Variants in USP39 observed in about 807,000 individuals in gnomAD.
USP39 encodes the protein ubiquitin specific peptidase 39.
USP39 carries 38 observed loss-of-function variants against 66.4 expected under a neutral mutation model. The ratio of observed to expected loss-of-function variants is 0.57; its 90% confidence interval spans 0.44 to 0.75. The LOEUF (loss-of-function observed/expected upper bound fraction) is 0.75, where lower values mean the gene tolerates loss of function less well. USP39 is among the 30% of genes least tolerant of loss of function. The pLI is 0.00. For missense variants in USP39, 608 were observed against 714.4 expected, an observed-to-expected ratio of 0.85 and a Z score of 1.70; for synonymous variants, 303 against 274.6, an observed-to-expected ratio of 1.10 and a Z score of -1.02.
intron 9 of USP39, chr2:85,639,658 G>C: frequency 3.7e-6 from 1 of 273,572 alleles, no homozygotes; most frequent in South Asian, 5.8e-5. Context: ...ATGTTGGCCA[G>C]GTTGGTCTCG....
At chr2:85,615,961 T>C (rs899617544), upstream of USP39, 19 of 784,798 alleles carry the variant, frequency 2.4e-5, no homozygotes, top group Non-Finnish European at 2.9e-5. Context: ...CTGTCGCCAG[T>C]AAAGGTTCCC....
intron 6 of USP39, 141 bp downstream of exon 6, chr2:85,631,087 T>A (rs1229854734): frequency 1.3e-6 from 1 of 755,836 alleles, no homozygotes; most frequent in East Asian, 2.7e-5. Context: ...TGGTCTCAGC[T>A]CACTGCAACC....
At position 85,616,205 on chromosome 2, in the gene USP39, C is replaced by G. The variant is rs1187708357; in HGVS notation, c.10C>G (p.Arg4Gly). The part of the protein sequence containing the change: MSG[R>G]SKRESRGSTR... ...TCGGCCGGTAGTGGAGATGTCCGGC[C>G]GGTCTAAGCGGGAGTCTCGCGGTTC... The change falls in exon 1 of 13, where the codon CGG (arginine) becomes GGG (glycine). Residue 4 changes from arginine (R) to glycine (G), a missense_variant. Arg to Gly is a moderately radical substitution (Grantham distance 125). Coordinates refer to ENST00000323701, the MANE Select transcript of USP39 (RefSeq NM_006590.4). 3.4e-6 allele frequency: 5 copies of G among 1,453,748 alleles called. No homozygotes were observed. Among genetic ancestry groups the G allele is most frequent in the Admixed American group, 2.6e-5 (1 of 38,104 alleles). The allele number at this position is 1,453,748 out of a possible 1,614,324, so 90.1% of individuals were successfully genotyped here.
upstream of USP39, among the ~76,000 whole-genome samples, chr2:85,614,535 G>C (rs1673784841): frequency 6.6e-6 from 1 of 152,058 alleles, no homozygotes; most frequent in Non-Finnish European, 1.5e-5. Flanking sequence ...ATGTAAAGTA[G>C]TGAAAGTACA....
chr2:85,633,716 A>G (rs1558865002), intron 6 of USP39, among the ~76,000 whole-genome samples: 1 of 151,688 alleles, frequency 6.6e-6, no homozygotes. Flanking sequence ...TCAGTGAGCC[A>G]TGTTGGTCCC....
At chr2:85,612,073 C>G, upstream of USP39, 1 of 1,087,988 alleles carries the variant, frequency 9.2e-7, no homozygotes, top group Non-Finnish European at 1.3e-6. Context: ...CCTTGCTCAG[C>G]TTCCGGCCCC....
chr2:85,628,927 C>G (rs1298746316), intron 5 of USP39, among the ~76,000 whole-genome samples: 1 of 152,170 alleles, frequency 6.6e-6, no homozygotes, highest in East Asian at 1.9e-4. Context: ...AGAAACCCTT[C>G]TAGCTGACTC....
chr2:85,646,384 T>G (rs564741942), intron 11 of USP39, among the ~76,000 whole-genome samples: 37 of 152,370 alleles, frequency 2.4e-4, no homozygotes, highest in Non-Finnish European at 4.9e-4. Flanking sequence ...AGTTACTTAA[T>G]GTACATTAAT....
At chr2:85,616,528 C>G (rs756551362) in intron 1 of USP39, 65 bp downstream of exon 1, 35 of 1,062,312 alleles carry the variant, frequency 3.3e-5, no homozygotes, top group African/African-American at 3.9e-5. Flanking sequence ...TTTCTTGTCT[C>G]TAATCTTCCG....
Position 85,616,367 on chromosome 2 carries a change from A to C in USP39, c.172A>C (p.Ser58Arg). Residue 58 changes from serine to arginine, a missense_variant, in exon 1 of 13, where the codon AGC (serine) becomes CGC (arginine). Physicochemically the swap from Ser to Arg is moderately radical, Grantham distance 110. Transcript: ENST00000323701. ...VRVKREFEPA[S>R]AREAPASVVP... ...CGTGAAGCGGGAGTTCGAGCCGGCG[A>C]GCGCGCGCGAGGCCCCGGCTTCTGT... The C allele has an allele frequency of 6.2e-7, 1 of 1,601,320 alleles. No individual in the cohort carries two copies.
chr2:85,624,347 T>A (rs935778668), intron 4 of USP39, among the ~76,000 whole-genome samples: 1 of 151,920 alleles, frequency 6.6e-6, no homozygotes, highest in Non-Finnish European at 1.5e-5. Flanking sequence ...TCTGTTCTTG[T>A]TTTTGGTTTT....
At chr2:85,634,340 G>A (rs1346241639) in intron 6 of USP39, among the ~76,000 whole-genome samples, 5 of 151,980 alleles carry the variant, frequency 3.3e-5, no homozygotes, top group African/African-American at 7.2e-5. Flanking sequence ...TTGGGAGGCC[G>A]AAGTGGGAGG....
At chr2:85,610,849 C>G (rs1673464249), upstream of USP39, 1 of 151,524 alleles carries the variant, frequency 6.6e-6, no homozygotes, top group Non-Finnish European at 1.5e-5. Flanking sequence ...AGCTCCGCCT[C>G]CCGGGTTCAC....
intron 6 of USP39, among the ~76,000 whole-genome samples, chr2:85,633,153 C>T (rs574188208): frequency 6.6e-6 from 1 of 152,150 alleles, no homozygotes; most frequent in South Asian, 2.1e-4. Context: ...TAGAGTCTCA[C>T]TCTGTTGCCC....
chr2:85,614,611 A>T (rs754333327), upstream of USP39, among the ~76,000 whole-genome samples: 1 of 152,228 alleles, frequency 6.6e-6, no homozygotes, highest in African/African-American at 2.4e-5. Context: ...CCATGGCTAC[A>T]ATGCTTGTTT....
At chr2:85,612,953 G>T (rs1673664529), upstream of USP39, among the ~76,000 whole-genome samples, 1 of 135,090 alleles carries the variant, frequency 7.4e-6, no homozygotes, top group Non-Finnish European at 1.5e-5. Context: ...GAGCCACCGT[G>T]CCCGGCCCCT....
At chr2:85,606,812 C>T (rs1395805816) in intron 1 of USP39, 2 of 147,850 alleles carry the variant, frequency 1.4e-5, no homozygotes, top group African/African-American at 2.5e-5. Context: ...GATGGAGTCT[C>T]GCTCTGCTGC....
At chr2:85,623,265 T>C (rs1036312711) in intron 3 of USP39, among the ~76,000 whole-genome samples, 3 of 152,072 alleles carry the variant, frequency 2.0e-5, no homozygotes, top group African/African-American at 7.2e-5. Flanking sequence ...TGTTTATGTG[T>C]ATTTATGCAC....
rs368300212 is a variant in USP39 at position 85,605,937 on chromosome 2, C to T, written n.226+2856C>T. Among the ~76,000 whole-genome samples, 74 of 152,268 alleles carry T rather than the reference C, an allele frequency of 4.9e-4. 2 individuals carry two copies. In the South Asian group the frequency reaches 0.011, roughly 23 times the overall value. Reference sequence around the variant, plus strand: ...TACAAAAAGCTTTACATTCTTTTCCCTTTTTACATTACATTCTTCAAAGAC... The same window carrying T: ...TACAAAAAGCTTTACATTCTTTTCCTTTTTTACATTACATTCTTCAAAGAC... On this transcript the variant is annotated intron_variant and non_coding_transcript_variant, in intron 1 of 12. Coordinates refer to the USP39 transcript ENST00000459775.
Sources: gnomAD v4.1 joint callset for allele counts (sites outside exome capture counted in the v4.1 genomes callset) on GRCh38, gnomAD v4.1.1 for gene constraint, MANE v1.5 for transcripts, NCBI Gene and HGNC (gene_info 2026-07-23, HGNC 2026-07-21) for gene names.